RTF2: variants seen among roughly 807,000 people sequenced by gnomAD.
RTF2 encodes the protein replication termination factor 2.
In RTF2, 18 loss-of-function variants were observed where a neutral mutation model predicts 38.0. That is an observed-to-expected ratio of 0.47 (90% CI 0.33 to 0.70). RTF2 has a LOEUF of 0.70. RTF2 is among the 30% of genes least tolerant of loss of function. The pLI is 0.02. For synonymous variants in RTF2, 126 were observed against 137.1 expected (o/e 0.92, Z 0.57); for missense variants, 311 against 379.6 (o/e 0.82, Z 1.50).
chr20:56,477,788 A>T (rs1319260402), intron 4 of RTF2, among the ~76,000 whole-genome samples: 2 of 152,200 alleles, frequency 1.3e-5, no homozygotes, highest in Admixed American at 1.3e-4. Flanking sequence ...AACATGTGGG[A>T]GCCACTGCAC....
intron 5 of RTF2, among the ~76,000 whole-genome samples, chr20:56,498,476 G>C (rs1983705346): frequency 6.6e-6 from 1 of 151,222 alleles, no homozygotes; most frequent in Non-Finnish European, 1.5e-5. Flanking sequence ...CTGGGTGACA[G>C]AGTGAGACCG....
chr20:56,476,922 G>A lies in RTF2; in HGVS notation c.259-63G>A, dbSNP rs1982275772. On this transcript the variant is annotated intron_variant, in intron 3 of 8. Coordinates refer to ENST00000357348, the MANE Select transcript of RTF2 (RefSeq NM_016407.5). ...GGAATAACAATTTGTTGACTTACGTGGTTAAGGCAAAGGATGATCTGTTTA... is the reference window on the plus strand; with the variant it reads ...GGAATAACAATTTGTTGACTTACGTAGTTAAGGCAAAGGATGATCTGTTTA... 7 of 1,541,654 alleles carry A rather than the reference G, an allele frequency of 4.5e-6. No homozygotes were observed. The Admixed American group carries it at 1.1e-4, about 23-fold the overall frequency.
chr20:56,471,247 T>TTGTTG (rs1478200960), intron 1 of RTF2, among the ~76,000 whole-genome samples: 1 of 152,174 alleles, frequency 6.6e-6, no homozygotes, highest in East Asian at 1.9e-4. Flanking sequence ...TCTGGAAGTA[T>TTGTTG]TGAGTGTTGT....
At chr20:56,513,925 AG>A (rs1454016676) in intron 6 of RTF2, 1 of 157,410 alleles carries the variant, frequency 6.4e-6, no homozygotes, top group Non-Finnish European at 1.4e-5. Flanking sequence ...TGTGCTCGGG[AG>A]GGCCCTGGCA....
intron 8 of RTF2, 152 bp from the exon 9 acceptor site, chr20:56,517,935 G>A (rs1161565182): frequency 4.4e-6 from 3 of 686,558 alleles, no homozygotes; most frequent in Non-Finnish European, 7.5e-6. Flanking sequence ...TGCTTTGCTG[G>A]AGTTGGCAAT....
At chr20:56,497,454 A>G in intron 5 of RTF2, 1 of 1,529,226 alleles carries the variant, frequency 6.5e-7, no homozygotes, top group Non-Finnish European at 8.8e-7. Flanking sequence ...AGCGGAACAC[A>G]GTTCATCTGG....
intron 5 of RTF2, among the ~76,000 whole-genome samples, chr20:56,499,826 TC>T (rs1983811585): frequency 2.0e-5 from 3 of 151,758 alleles, no homozygotes; most frequent in East Asian, 2.0e-4. Context: ...AACCTCTGCC[TC>T]CCCGGTTGAA....
chr20:56,493,670 A>AG (rs1162539739), intron 5 of RTF2, among the ~76,000 whole-genome samples: 1 of 151,876 alleles, frequency 6.6e-6, no homozygotes, highest in Non-Finnish European at 1.5e-5. Flanking sequence ...AAAAAAAAAA[A>AG]AAGACTACAA....
Position 56,477,052 on chromosome 20 carries a change from AC to A in RTF2, c.327del (p.Asp109GlufsTer20). ...WEGDKGNTKG[D>X]KHDDLQRARF... Reference sequence around the variant, plus strand: ...GGGGATAAAGGAAACACTAAAGGTGACAAGCACGATGACCTCCAGCGGGCGC... The same window carrying A: ...GGGGATAAAGGAAACACTAAAGGTGAAAGCACGATGACCTCCAGCGGGCGC... On this transcript the variant is annotated frameshift_variant, in exon 4 of 9. Transcript: ENST00000357348. LOFTEE classifies it high-confidence loss of function. 6.2e-7 allele frequency: 1 copy of A among 1,614,094 alleles called. No individual in the cohort carries two copies. The highest frequency in any genetic ancestry group is 1.1e-5 in the South Asian group (1 of 91,072).
At chr20:56,495,714 A>T (rs1193322310) in intron 5 of RTF2, among the ~76,000 whole-genome samples, 8 of 152,214 alleles carry the variant, frequency 5.3e-5, no homozygotes, top group South Asian at 2.1e-4. Flanking sequence ...AAATTATATT[A>T]AAAAAACCCC....
At chr20:56,488,674 A>C (rs1600806196) in intron 5 of RTF2, among the ~76,000 whole-genome samples, 2 of 152,268 alleles carry the variant, frequency 1.3e-5, no homozygotes, top group East Asian at 3.9e-4. Context: ...AGTCTTTGTG[A>C]ATATTTAGCC....
chr20:56,491,503 C>A, intron 5 of RTF2: 1 of 1,105,486 alleles, frequency 9.0e-7, no homozygotes, highest in Non-Finnish European at 1.3e-6. Context: ...GTTCAATGTT[C>A]TCTTGTTTCA....
intron 4 of RTF2, among the ~76,000 whole-genome samples, chr20:56,483,128 C>T (rs1410626979): frequency 6.6e-6 from 1 of 152,162 alleles, no homozygotes; most frequent in African/African-American, 2.4e-5. Flanking sequence ...TGGCCTCCTT[C>T]CTTTCCTTTT....
intron 5 of RTF2, chr20:56,495,192 T>A (rs1370294553): frequency 6.5e-7 from 1 of 1,542,418 alleles, no homozygotes; most frequent in Admixed American, 2.0e-5. Flanking sequence ...TGTTTTGTTT[T>A]TCTTTTTACC....
chr20:56,501,868 A>G (rs894949960), intron 5 of RTF2, among the ~76,000 whole-genome samples: 6 of 152,100 alleles, frequency 3.9e-5, no homozygotes, highest in African/African-American at 1.2e-4. Context: ...GTGAGACCCT[A>G]TCTCCAAAAT....
At position 56,518,380 on chromosome 20, in the gene RTF2, A is replaced by C; in HGVS notation, c.*115A>C. ...TTCTCTCTATAGTTCTGTGTCATAA[A>C]GCTGTCCTGGCCAGCCTTCAAGCTG... On this transcript the variant is annotated 3_prime_UTR_variant, in exon 9 of 9. Transcript: ENST00000357348. 9.0e-7 allele frequency: 1 copy of C among 1,110,906 alleles called. No homozygotes were observed. Among genetic ancestry groups the C allele is most frequent in the Non-Finnish European group, 1.3e-6 (1 of 787,290 alleles). The allele number at this position is 1,110,906 out of a possible 1,614,324, so 68.8% of individuals were successfully genotyped here. A position where few individuals can be genotyped will look rare whatever the true frequency, so the allele number is the denominator to read the frequency against.
intron 5 of RTF2, among the ~76,000 whole-genome samples, chr20:56,509,350 G>A (rs1984487176): frequency 6.6e-6 from 1 of 152,270 alleles, no homozygotes; most frequent in South Asian, 2.1e-4. Context: ...GGTTGCAGTG[G>A]CTCACACCTG....
At chr20:56,495,291 G>A (rs763028331) in intron 5 of RTF2, 74 of 1,551,050 alleles carry the variant, frequency 4.8e-5, no homozygotes, top group Non-Finnish European at 6.3e-5. Context: ...TGTAGCACCT[G>A]GAGCATCTAA....
At position 56,477,092 on chromosome 20, in the gene RTF2, C is replaced by T. The variant is rs571403156; in HGVS notation, c.366C>T (p.Pro122=). The change falls in exon 4 of 9, where the codon CCC becomes CCT. Residue 122 remains proline (P), a synonymous_variant. Coordinates refer to ENST00000357348, the MANE Select transcript of RTF2 (RefSeq NM_016407.5). ...TCCAGCGGGCGCGTTTCATCTGCCC[C>T]GTTGTGGGCCTGGAGATGAACGGCC... ...DDLQRARFIC[P]VVGLEMNGRH... The T allele has an allele frequency of 1.9e-5, 30 of 1,613,956 alleles. No individual in the cohort carries two copies. The South Asian group carries it at 2.1e-4, about 11-fold the overall frequency.
Sources: allele counts gnomAD v4.1 joint callset (sites outside exome capture counted in the v4.1 genomes callset), GRCh38; gene constraint gnomAD v4.1.1; transcripts MANE v1.5; gene names NCBI Gene and HGNC (gene_info 2026-07-23, HGNC 2026-07-21).